OXR1: variants seen among roughly 807,000 people sequenced by gnomAD.
The protein encoded by OXR1 is oxidation resistance protein 1.
OXR1 carries 41 observed loss-of-function variants against 104.6 expected under a neutral mutation model. The ratio of observed to expected loss-of-function variants is 0.39; its 90% CI spans 0.31 to 0.51. OXR1 has a LOEUF of 0.51. OXR1 is among the 20% of genes least tolerant of loss of function. OXR1 has a pLI of 0.77. For synonymous variants in OXR1, 348 were observed against 348.4 expected (o/e 1.00, Z 0.01); for missense variants, 955 against 1,031.9 (o/e 0.93, Z 1.02).
At chr8:106,678,771 A>C (rs561545936) in intron 3 of OXR1, among the ~76,000 whole-genome samples, 4 of 152,082 alleles carry the variant, frequency 2.6e-5, no homozygotes, top group Admixed American at 2.6e-4. Context: ...ACTATTTTTC[A>C]TTATGACTTG....
chr8:106,320,300 C>A (rs1003100595), intron 1 of OXR1, among the ~76,000 whole-genome samples: 2 of 152,172 alleles, frequency 1.3e-5, no homozygotes, highest in African/African-American at 4.8e-5. Flanking sequence ...GTTACATCCA[C>A]TCCTGCGTCA....
chr8:106,563,238 A>G (rs1816807933), intron 3 of OXR1, among the ~76,000 whole-genome samples: 1 of 151,704 alleles, frequency 6.6e-6, no homozygotes, highest in African/African-American at 2.4e-5. Flanking sequence ...TCACGTGCAA[A>G]GGCACACATA....
intron 2 of OXR1, among the ~76,000 whole-genome samples, chr8:106,484,770 A>G (rs1822346498): frequency 1.3e-5 from 2 of 152,086 alleles, no homozygotes; most frequent in South Asian, 4.2e-4. Context: ...TGTTTTTTTA[A>G]AAACAAAAAC....
chr8:106,348,488 A>C (rs1233464307), intron 1 of OXR1, among the ~76,000 whole-genome samples: 2 of 152,156 alleles, frequency 1.3e-5, no homozygotes, highest in Non-Finnish European at 2.9e-5. Context: ...TATTTTAAAA[A>C]ATTTAATCTG....
rs560298994 is a variant in OXR1, at chr8:106,288,656, CTCTA to C, written c.-139+18295_-139+18298del. ...ATATATTAATATATACACACACATA[CTCTA>C]TCTATATTTAAATTTATGTATTAAA... is the stretch of plus-strand genomic sequence containing the variant. On this transcript the variant is annotated intron_variant, in intron 1 of 16. Transcript: ENST00000517566. 5.1e-3 allele frequency among the ~76,000 whole-genome samples: 754 copies of C among 146,936 alleles called. 8 individuals are homozygous for C. Among genetic ancestry groups the C allele is most frequent in the Non-Finnish European group, 5.7e-3 (381 of 67,128 alleles).
chr8:106,752,336 G>T lies in OXR1; in HGVS notation c.*1395G>T, dbSNP rs753910286. 2.0e-5 allele frequency: 3 copies of T among 152,484 alleles called. No homozygotes were observed. The highest frequency in any genetic ancestry group is 4.4e-5 in the Non-Finnish European group (3 of 67,924). 9.4% of individuals were successfully genotyped at this position (152,484 alleles called of 1,614,324 possible). On this transcript the variant is annotated 3_prime_UTR_variant, in exon 17 of 17. Transcript: ENST00000517566. ...ATATTTGGCTTAAGTAGATTTAGTT[G>T]TATAGCACTTACATATTTAGTTCTT...
At chr8:106,507,118 G>A (rs1175808122) in intron 2 of OXR1, among the ~76,000 whole-genome samples, 3 of 152,070 alleles carry the variant, frequency 2.0e-5, no homozygotes, top group Non-Finnish European at 4.4e-5. Context: ...GCTTATTCAA[G>A]GAATAGTGAA....
chr8:106,404,519 C>T (rs919790511), intron 2 of OXR1, among the ~76,000 whole-genome samples: 53 of 151,994 alleles, frequency 3.5e-4, no homozygotes, highest in Admixed American at 1.7e-3. Context: ...AACAGGTTTC[C>T]TTCAGAACAC....
chr8:106,676,987 T>G (rs1827657500), intron 3 of OXR1, among the ~76,000 whole-genome samples: 1 of 152,128 alleles, frequency 6.6e-6, no homozygotes, highest in Non-Finnish European at 1.5e-5. Context: ...GGTGAGCTTT[T>G]GAAAATTACA....
At chr8:106,497,665 A>G (rs935270469) in intron 2 of OXR1, among the ~76,000 whole-genome samples, 1 of 152,212 alleles carries the variant, frequency 6.6e-6, no homozygotes, top group East Asian at 1.9e-4. Flanking sequence ...CTACCTCTGA[A>G]GTGCACATTT....
intron 2 of OXR1, among the ~76,000 whole-genome samples, chr8:106,444,312 C>A (rs1404985516): frequency 2.0e-5 from 3 of 152,158 alleles, no homozygotes; most frequent in Non-Finnish European, 4.4e-5. Flanking sequence ...CCAGAAATAA[C>A]ATTTGTTCCA....
intron 1 of OXR1, among the ~76,000 whole-genome samples, chr8:106,318,273 T>A (rs1050673611): frequency 1.3e-5 from 2 of 152,242 alleles, no homozygotes; most frequent in African/African-American, 4.8e-5. Context: ...AACTGAGTTG[T>A]TAAAATCCAA....
intron 2 of OXR1, among the ~76,000 whole-genome samples, chr8:106,396,149 T>C (rs955400266): frequency 6.6e-6 from 1 of 152,148 alleles, no homozygotes; most frequent in East Asian, 1.9e-4. Context: ...TCTTCCACTT[T>C]GAACAATTCC....
At chr8:106,491,024 A>G (rs1422986666) in intron 2 of OXR1, among the ~76,000 whole-genome samples, 4 of 152,052 alleles carry the variant, frequency 2.6e-5, no homozygotes, top group Non-Finnish European at 4.4e-5. Context: ...CTTTATACTG[A>G]CTAGTGTAAT....
chr8:106,424,873 T>C (rs1819046679), intron 2 of OXR1, among the ~76,000 whole-genome samples: 1 of 152,068 alleles, frequency 6.6e-6, no homozygotes, highest in African/African-American at 2.4e-5. Context: ...GCTTTTCTTA[T>C]GCATTTTTGT....
At chr8:106,519,486 A>G (rs970336218) in intron 3 of OXR1, among the ~76,000 whole-genome samples, 4 of 152,186 alleles carry the variant, frequency 2.6e-5, no homozygotes, top group African/African-American at 7.2e-5. Flanking sequence ...TTGTTCAGCC[A>G]GCACCTTTCT....
intron 8 of OXR1, among the ~76,000 whole-genome samples, chr8:106,703,521 T>TG (rs1193030122): frequency 3.3e-5 from 5 of 152,094 alleles, no homozygotes; most frequent in African/African-American, 1.2e-4. Flanking sequence ...GACAGCTTTT[T>TG]TTTTTTTAAT....
At chr8:106,591,843 G>A (rs971833011) in intron 3 of OXR1, among the ~76,000 whole-genome samples, 25 of 152,178 alleles carry the variant, frequency 1.6e-4, no homozygotes, top group African/African-American at 5.1e-4. Flanking sequence ...GAAAACATCC[G>A]TTCTTTATCT....
intron 3 of OXR1, among the ~76,000 whole-genome samples, chr8:106,631,281 T>C (rs1482909006): frequency 1.3e-5 from 2 of 152,228 alleles, no homozygotes; most frequent in Non-Finnish European, 2.9e-5. Context: ...AAATGTATTA[T>C]CTATAAATAG....
Sources: allele counts gnomAD v4.1 joint callset (sites outside exome capture counted in the v4.1 genomes callset), GRCh38; gene constraint gnomAD v4.1.1; transcripts MANE v1.5; gene names NCBI Gene and HGNC (gene_info 2026-07-23, HGNC 2026-07-21).